Variants in TNS1 observed in about 807,000 individuals in gnomAD.
TNS1 encodes tensin 1.
A neutral mutation model predicts 168.6 loss-of-function variants in TNS1; 62 were observed. The observed-to-expected ratio is 0.37, with a 90% CI of 0.30 to 0.45. The LOEUF is 0.45. TNS1 is among the 20% of genes least tolerant of loss of function. TNS1 has a pLI of 1.00. For synonymous variants in TNS1, 934 were observed against 933.2 expected (o/e 1.00, Z -0.02); for missense variants, 2,240 against 2,339.4 (o/e 0.96, Z 0.88).
rs1337608948 is a variant in TNS1 at position 217,835,151 on chromosome 2, A to G, written c.3220T>C (p.Tyr1074His). The G allele has an allele frequency of 4.4e-6, 7 of 1,598,384 alleles. No homozygotes were observed. Among genetic ancestry groups the G allele is most frequent in the East Asian group, 2.3e-5 (1 of 43,476 alleles). Residue 1074 changes from tyrosine (Y) to histidine (H), a missense_variant, in exon 21 of 33, where the codon TAC becomes CAC. By Grantham distance (83) the Tyr-to-His change is moderately conservative (BLOSUM62 2). Transcript: ENST00000682258. ...TCCATCTCCTCGAAGGCCTCCTTGT[A>G]GCTGTGCAAATGGGGCTGTGGGAGA... ...GRPKEPHLHSYKEAFEEMEGT... is the reference protein window; with the variant it reads ...GRPKEPHLHSHKEAFEEMEGT...
intron 3 of TNS1, among the ~76,000 whole-genome samples, chr2:217,949,840 G>A (rs1957199174): frequency 6.6e-6 from 1 of 152,204 alleles, no homozygotes. Context: ...GAATTAGCAA[G>A]GGAACATTTT....
At position 217,847,794 on chromosome 2, in the gene TNS1, G is replaced by T. The variant is rs748417743; in HGVS notation, c.2723C>A (p.Ser908Tyr). 2 of 1,604,052 alleles carry T rather than the reference G, an allele frequency of 1.2e-6. No homozygotes were observed. The highest frequency in any genetic ancestry group is 2.7e-5 in the African/African-American group (2 of 74,866). ...CCTGCCAGGAGGGACAGACTCCAGA[G>T]AGGCCCGTGGGGCTGGCTCAGGGGT... is the stretch of plus-strand genomic sequence containing the variant. The part of the protein sequence containing the change: ...LGTPEPAPRA[S>Y]LESVPPGRSY... The change falls in exon 19 of 33, where the codon TCT becomes TAT. Residue 908 changes from serine to tyrosine, a missense_variant. Around this residue, in one of 2 missense-constraint regions of TNS1, gnomAD observed 2,131 missense variants for 2,171.2 expected, o/e 0.98. Coordinates refer to ENST00000682258, the MANE Select transcript of TNS1 (RefSeq NM_001387777.1).
In TNS1 at chr2:217,830,325, C is replaced by G. The variant is rs751706017; in HGVS notation, c.3373+1130G>C. 8.1e-6 allele frequency: 13 copies of G among 1,613,298 alleles called. 1 individual carries two copies. In the South Asian group the frequency reaches 1.4e-4, roughly 18 times the overall value. On this transcript the variant is annotated intron_variant, in intron 22 of 32. Transcript: ENST00000682258. ...CTGAGTGGGAGGCTATGCCCAGCTG[C>G]GTGGCTTCATGGGTCACAAATGCAT...
Position 217,849,083 on chromosome 2 carries a change from C to G in TNS1, c.1434G>C (p.Val478=). 6.2e-7 allele frequency: 1 copy of G among 1,610,102 alleles called. No homozygotes were observed. Among genetic ancestry groups the G allele is most frequent in the Non-Finnish European group, 8.5e-7 (1 of 1,177,796 alleles). ...CTAGTGGCCCCTGCGTGTGTCCCAC[C>G]ACCTCTGCAAGGGACAGAGCCGGAG... ...SGHRDDGMEE[V]VGHTQGPLDG... The change falls in exon 19 of 33, where the codon GTG becomes GTC. Residue 478 remains valine (V), a synonymous_variant. Coordinates refer to ENST00000682258, the MANE Select transcript of TNS1 (RefSeq NM_001387777.1).
At chr2:218,022,340 C>T (rs1252302121) in intron 1 of TNS1, among the ~76,000 whole-genome samples, 4 of 152,192 alleles carry the variant, frequency 2.6e-5, no homozygotes, top group African/African-American at 7.2e-5. Flanking sequence ...CTCTCAAAAG[C>T]CGCAGCCTCC....
At chr2:217,881,265 A>C in intron 17 of TNS1, 1 of 440,902 alleles carries the variant, frequency 2.3e-6, no homozygotes. Context: ...GCACTGAAGA[A>C]TGAAGACCCC....
chr2:217,986,122 G>T lies in TNS1; in HGVS notation c.148+4820C>A, dbSNP rs377240079. Among the ~76,000 whole-genome samples, 1 of 152,200 alleles carries T rather than the reference G, an allele frequency of 6.6e-6. No individual in the cohort carries two copies. The highest frequency in any genetic ancestry group is 1.5e-5 in the Non-Finnish European group (1 of 68,032). On this transcript the variant is annotated intron_variant, in intron 2 of 32. Transcript: ENST00000682258. This position sits in a 1 kb window ranked among gnomAD's most constrained non-coding sequence, Gnocchi z 4.7. ...ATCTCACCTGGGGTCACACAGCCAG[G>T]TTGTATTAATAGCAAGCTAGGGCTA...
intron 22 of TNS1, among the ~76,000 whole-genome samples, chr2:217,823,621 GAGC>G (rs910231641): frequency 1.1e-4 from 16 of 152,174 alleles, no homozygotes; most frequent in African/African-American, 3.4e-4. Flanking sequence ...ACCCTTTACA[GAGC>G]AGGACCCAGA....
In TNS1 at chr2:217,900,374, G is replaced by A. The variant is rs571572322; in HGVS notation, c.371+89C>T. The stretch of plus-strand genomic sequence containing the variant: ...ACCCGTGGCTTTATGGCTGCAGTCC[G>A]GGGGACCCAGAGGCAAGACTTAACA... On this transcript the variant is annotated intron_variant, in intron 7 of 32. Coordinates refer to ENST00000682258, the MANE Select transcript of TNS1 (RefSeq NM_001387777.1). The A allele has an allele frequency of 8.9e-5, 128 of 1,441,350 alleles. No individual in the cohort carries two copies. The East Asian group carries it at 2.0e-3, about 22-fold the overall frequency. 89.3% of individuals were successfully genotyped at this position (1,441,350 alleles called of 1,614,324 possible).
upstream of TNS1, chr2:218,003,047 T>TCCC (rs1337565364): frequency 1.3e-4 from 51 of 390,358 alleles, no homozygotes; most frequent in African/African-American, 1.1e-3. Context: ...CTCCTCCTCC[T>TCCC]CCCCCCACTC....
intron 3 of TNS1, among the ~76,000 whole-genome samples, chr2:217,942,784 G>A (rs1381291741): frequency 6.6e-6 from 1 of 151,082 alleles, no homozygotes; most frequent in Non-Finnish European, 1.5e-5. Context: ...CTGCCTGCCT[G>A]CCCTCCTCCT....
chr2:217,922,363 C>T (rs1366350101), intron 3 of TNS1, among the ~76,000 whole-genome samples: 4 of 152,100 alleles, frequency 2.6e-5, no homozygotes, highest in Admixed American at 2.6e-4. Context: ...ACTCTGTCAC[C>T]ATGGGTCCCT....
At chr2:218,031,705 G>C (rs904358445) in intron 1 of TNS1, among the ~76,000 whole-genome samples, 1 of 150,558 alleles carries the variant, frequency 6.6e-6, no homozygotes, top group Non-Finnish European at 1.5e-5. Flanking sequence ...TAACAAGAAA[G>C]AGAGGAAGAG....
intron 4 of TNS1, among the ~76,000 whole-genome samples, chr2:217,917,829 C>CAAAAAAAAAAAAAAAAAA (rs79888115): frequency 3.9e-5 from 3 of 75,988 alleles, no homozygotes; most frequent in Admixed American, 1.6e-4. Context: ...AGACTGTTCT[C>CAAAAAAAAAAAAAAAAAA]AAAAAAAAAA....
chr2:218,014,053 G>A (rs960125442), upstream of TNS1, among the ~76,000 whole-genome samples: 3 of 152,226 alleles, frequency 2.0e-5, no homozygotes, highest in African/African-American at 7.2e-5. Context: ...CATGGGAGGA[G>A]GGCCCACCTG....
chr2:217,885,169 G>T lies in TNS1; in HGVS notation c.1117-5C>A. On this transcript the variant is annotated splice_region_variant and splice_polypyrimidine_tract_variant and intron_variant, in intron 15 of 32. Transcript: ENST00000682258. ...CTTCTTGTGGTAGCACTTCAGCTGG[G>T]TGGGAAGACGGGCAGAACCAGTCAG... The T allele has an allele frequency of 1.2e-6, 2 of 1,614,176 alleles. No individual in the cohort carries two copies. The highest frequency in any genetic ancestry group is 1.7e-6 in the Non-Finnish European group (2 of 1,180,018).
intron 1 of TNS1, 71 bp downstream of exon 1, chr2:218,002,769 G>T: frequency 8.8e-6 from 4 of 456,234 alleles, no homozygotes; most frequent in South Asian, 6.2e-5. Flanking sequence ...AAAAGGATAA[G>T]GTGGCAGGGG....
intron 3 of TNS1, among the ~76,000 whole-genome samples, chr2:217,926,042 G>A (rs4674228): frequency 1.3e-5 from 2 of 152,118 alleles, no homozygotes; most frequent in African/African-American, 4.8e-5. Context: ...TTAAAATGAG[G>A]CCCTAATCCA....
At chr2:217,811,504 G>C (rs1559145746) in intron 28 of TNS1, among the ~76,000 whole-genome samples, 1 of 152,146 alleles carries the variant, frequency 6.6e-6, no homozygotes, top group Non-Finnish European at 1.5e-5. Flanking sequence ...GGAGCTCCAA[G>C]AAAGACTAGA....
Sources: gnomAD v4.1 joint callset for allele counts (sites outside exome capture counted in the v4.1 genomes callset) on GRCh38, gnomAD v4.1.1 for gene constraint, gnomAD v4.1.1 regional missense constraint, Gnocchi (gnomAD v3.1) non-coding constraint, MANE v1.5 for transcripts, NCBI Gene and HGNC (gene_info 2026-07-23, HGNC 2026-07-21) for gene names.